The following TEX14 variants were observed in gnomAD, a reference collection of about 807,000 sequenced individuals.
TEX14 encodes inactive serine/threonine-protein kinase TEX14.
A neutral mutation model predicts 178.6 loss-of-function variants in TEX14; 168 were observed. The observed-to-expected ratio is 0.94, with a 90% confidence interval of 0.83 to 1.07. TEX14 has a LOEUF of 1.07. Among genes scored for constraint, TEX14 ranks in the 50% least tolerant of loss-of-function variants. The probability of loss-of-function intolerance (pLI) is 0.00; values close to 1 mark genes in which losing one functional copy is unlikely to be tolerated. For synonymous variants in TEX14, 626 were observed against 634.1 expected (o/e 0.99, Z 0.19); for missense variants, 1,730 against 1,753.6 (o/e 0.99, Z 0.24).
At chr17:58,644,340 TTG>T (rs1158803639) in intron 2 of TEX14, among the ~76,000 whole-genome samples, 1 of 152,190 alleles carries the variant, frequency 6.6e-6, no homozygotes, top group Non-Finnish European at 1.5e-5. Context: ...GTTTTTGTTT[TTG>T]TTTTTTTTGA....
Position 58,611,447 on chromosome 17 carries a change from G to C in TEX14, c.1006-108C>G, listed in dbSNP as rs2045745361. On this transcript the variant is annotated intron_variant, in intron 9 of 31. Transcript: ENST00000349033. Reference sequence around the variant, plus strand: ...TCCATATGATCCTCATGGTTACCAAGGATCCCCATTTTACAGATGGAGAAC... The same window carrying C: ...TCCATATGATCCTCATGGTTACCAACGATCCCCATTTTACAGATGGAGAAC... 2.3e-5 allele frequency: 19 copies of C among 814,656 alleles called. No homozygotes were observed. The South Asian group carries it at 2.9e-4, about 12-fold the overall frequency. The allele number at this position is 814,656 out of a possible 1,614,324, so 50.5% of individuals were successfully genotyped here. A position where few individuals can be genotyped will look rare whatever the true frequency, so the allele number is the denominator to read the frequency against.
At chr17:58,611,042 T>A in intron 10 of TEX14, 119 bp downstream of exon 10, 1 of 721,598 alleles carries the variant, frequency 1.4e-6, no homozygotes, top group Admixed American at 2.3e-5. Flanking sequence ...GTTCAGCAAC[T>A]GATGAACAGG....
At chr17:58,617,508 A>G in intron 6 of TEX14, 30 bp downstream of exon 6, 1 of 1,569,520 alleles carries the variant, frequency 6.4e-7, no homozygotes, top group Non-Finnish European at 8.8e-7. Context: ...TTAGTCCTGC[A>G]AACACTGGCT....
intron 29 of TEX14, 118 bp downstream of exon 29, chr17:58,561,402 G>T: frequency 1.4e-6 from 1 of 727,106 alleles, no homozygotes; most frequent in Non-Finnish European, 2.4e-6. Context: ...GTGGAGTCAG[G>T]GCTGGCTTAT....
chr17:58,647,759 A>C (rs1254313715), intron 2 of TEX14, among the ~76,000 whole-genome samples: 2 of 151,930 alleles, frequency 1.3e-5, no homozygotes, highest in Admixed American at 1.3e-4. Flanking sequence ...CAGTGGTGCA[A>C]CCTTGGCTCA....
intron 2 of TEX14, among the ~76,000 whole-genome samples, chr17:58,648,514 C>T (rs1037857905): frequency 9.2e-5 from 14 of 152,192 alleles, no homozygotes; most frequent in African/African-American, 3.4e-4. Context: ...CTCACCCACC[C>T]ATCAAGGACT....
intron 1 of TEX14, among the ~76,000 whole-genome samples, chr17:58,674,038 C>T (rs2047347533): frequency 1.3e-5 from 2 of 152,150 alleles, no homozygotes; most frequent in Admixed American, 1.3e-4. Context: ...CTTTGGGAGG[C>T]CAAGGCGGGC....
chr17:58,604,410 G>T (rs2144491650), intron 11 of TEX14, among the ~76,000 whole-genome samples: 1 of 151,514 alleles, frequency 6.6e-6, no homozygotes, highest in East Asian at 2.0e-4. Flanking sequence ...GGCAGAGGTT[G>T]CAGTAAACCG....
chr17:58,668,999 T>A lies in TEX14; in HGVS notation c.-1-16997A>T, dbSNP rs923483284. 3.9e-5 allele frequency among the ~76,000 whole-genome samples: 6 copies of A among 152,192 alleles called. 1 individual carries two copies. Among genetic ancestry groups the A allele is most frequent in the Non-Finnish European group, 1.5e-5 (1 of 68,038 alleles). On this transcript the variant is annotated intron_variant, in intron 1 of 31. Transcript: ENST00000349033. ...CTAGGTAGGCATAAAAAATGGAACC[T>A]GGCAATTATCAACACTGTATGAATG... is the stretch of plus-strand genomic sequence containing the variant.
intron 1 of TEX14, among the ~76,000 whole-genome samples, chr17:58,668,404 A>C (rs1290550484): frequency 6.6e-6 from 1 of 152,212 alleles, no homozygotes; most frequent in South Asian, 2.1e-4. Flanking sequence ...GAGGAGCTGC[A>C]GTAACTATAA....
intron 28 of TEX14, 75 bp from the exon 29 acceptor site, chr17:58,561,687 T>A (rs1412317846): frequency 1.0e-6 from 1 of 989,202 alleles, no homozygotes; most frequent in Non-Finnish European, 1.6e-6. Context: ...CATAACACTT[T>A]AGAGTAGAAA....
intron 1 of TEX14, among the ~76,000 whole-genome samples, chr17:58,676,433 GTC>G (rs1191311554): frequency 1.3e-5 from 2 of 151,846 alleles, no homozygotes; most frequent in Admixed American, 1.3e-4. Flanking sequence ...GGTGGCAGGC[GTC>G]TGTAATCTCA....
At chr17:58,604,371 T>G (rs932588927) in intron 11 of TEX14, among the ~76,000 whole-genome samples, 1 of 150,558 alleles carries the variant, frequency 6.6e-6, no homozygotes, top group African/African-American at 2.4e-5. Flanking sequence ...CTCGGGAGGC[T>G]GAGGCAGAAG....
chr17:58,587,435 G>A (rs2144417673), intron 17 of TEX14, 146 bp downstream of exon 17: 1 of 503,326 alleles, frequency 2.0e-6, no homozygotes, highest in East Asian at 3.6e-5. Flanking sequence ...CTTTTAAAAT[G>A]AAATATAATA....
intron 6 of TEX14, among the ~76,000 whole-genome samples, chr17:58,617,299 G>C (rs922488874): frequency 2.0e-5 from 3 of 152,106 alleles, no homozygotes; most frequent in Admixed American, 1.3e-4. Context: ...TTAATGAAAA[G>C]ATCATTTTCT....
chr17:58,601,747 A>C (rs896834165), intron 13 of TEX14, 59 bp downstream of exon 13: 1 of 1,518,244 alleles, frequency 6.6e-7, no homozygotes, highest in Non-Finnish European at 9.1e-7. Context: ...GTTGCAGCTC[A>C]TGTGACTCTC....
chr17:58,606,739 A>G (rs2045615851), intron 10 of TEX14, among the ~76,000 whole-genome samples: 1 of 151,934 alleles, frequency 6.6e-6, no homozygotes, highest in Non-Finnish European at 1.5e-5. Flanking sequence ...ATCTTAAAAA[A>G]AAAAAGGGCC....
At chr17:58,630,365 T>C in intron 3 of TEX14, 75 bp downstream of exon 3, 1 of 1,205,900 alleles carries the variant, frequency 8.3e-7, no homozygotes, top group Non-Finnish European at 1.2e-6. Context: ...CAAACGTTTT[T>C]CTAATTAGTT....
chr17:58,601,096 C>A (rs2045424810), intron 13 of TEX14, among the ~76,000 whole-genome samples: 1 of 150,672 alleles, frequency 6.6e-6, no homozygotes, highest in African/African-American at 2.4e-5. Flanking sequence ...AAAAAAAAAA[C>A]TTTTTTAGGC....
Sources: allele counts gnomAD v4.1 joint callset (sites outside exome capture counted in the v4.1 genomes callset), GRCh38; gene constraint gnomAD v4.1.1; transcripts MANE v1.5; gene names NCBI Gene and HGNC (gene_info 2026-07-23, HGNC 2026-07-21).